The following HEMK2 variants were observed in gnomAD, a reference collection of about 807,000 sequenced individuals.
The protein encoded by HEMK2 is methyltransferase HEMK2.
the HEMK2 span, among the ~76,000 whole-genome samples, chr21:28,730,215 C>CAAA: frequency 6.7e-6 from 1 of 150,286 alleles, no homozygotes; most frequent in African/African-American, 2.4e-5. Flanking sequence ...CCCATTGCCA[C>CAAA]AAAAAAAAAG....
chr21:28,733,040 G>A, the HEMK2 span, among the ~76,000 whole-genome samples: 7 of 152,162 alleles, frequency 4.6e-5, no homozygotes, highest in African/African-American at 1.7e-4. Context: ...AGCACTTTGG[G>A]AGGCTGAGGC....
At chr21:28,858,951 T>C in the HEMK2 span, among the ~76,000 whole-genome samples, 2 of 152,228 alleles carry the variant, frequency 1.3e-5, no homozygotes, top group Non-Finnish European at 2.9e-5. Context: ...GACAGGTCAA[T>C]TATCTTATTT....
At chr21:28,656,121 T>C in the HEMK2 span, among the ~76,000 whole-genome samples, 1 of 151,978 alleles carries the variant, frequency 6.6e-6, no homozygotes, top group Non-Finnish European at 1.5e-5. Flanking sequence ...GCTACACAAA[T>C]AGAGGATGCA....
chr21:28,809,474 T>G, the HEMK2 span, among the ~76,000 whole-genome samples: 12,967 of 152,178 alleles, frequency 0.085, 1,295 homozygotes, highest in African/African-American at 0.23. Flanking sequence ...GGAGATAATA[T>G]GTATAAATAC....
the HEMK2 span, among the ~76,000 whole-genome samples, chr21:28,611,853 A>T: frequency 4.7e-5 from 7 of 149,172 alleles, no homozygotes; most frequent in African/African-American, 1.7e-4. Context: ...CAGAGGTTGC[A>T]GTGAGTGAAG....
the HEMK2 span, among the ~76,000 whole-genome samples, chr21:28,599,541 C>T: frequency 6.6e-6 from 1 of 152,182 alleles, no homozygotes; most frequent in Admixed American, 6.5e-5. Context: ...GGAGCTACAA[C>T]TCAAAATGAC....
the HEMK2 span, among the ~76,000 whole-genome samples, chr21:28,682,803 C>CA: frequency 1.3e-5 from 2 of 151,874 alleles, no homozygotes; most frequent in Non-Finnish European, 2.9e-5. Context: ...ATCGCAAGGA[C>CA]AAAAAACCAA....
At chr21:28,852,048 C>T in the HEMK2 span, among the ~76,000 whole-genome samples, 1 of 152,194 alleles carries the variant, frequency 6.6e-6, no homozygotes, top group African/African-American at 2.4e-5. Flanking sequence ...TGTCCAAGAT[C>T]CATCTGTCTT....
chr21:28,645,429 A>G, the HEMK2 span, among the ~76,000 whole-genome samples: 4 of 152,248 alleles, frequency 2.6e-5, no homozygotes, highest in Non-Finnish European at 4.4e-5. Flanking sequence ...GAATAATTCA[A>G]AAGTTTCAGA....
chr21:28,696,648 C>G, the HEMK2 span, among the ~76,000 whole-genome samples: 1 of 152,184 alleles, frequency 6.6e-6, no homozygotes, highest in Admixed American at 6.5e-5. Context: ...TAAGCAGTGT[C>G]CCAGTAAGAA....
At chr21:28,755,080 T>C in the HEMK2 span, among the ~76,000 whole-genome samples, 1 of 151,828 alleles carries the variant, frequency 6.6e-6, no homozygotes, top group Non-Finnish European at 1.5e-5. Context: ...GCAGCATGGG[T>C]GTGTGCAGAG....
the HEMK2 span, among the ~76,000 whole-genome samples, chr21:28,636,387 T>G: frequency 6.6e-6 from 1 of 152,284 alleles, no homozygotes; most frequent in East Asian, 1.9e-4. Context: ...TTTATTGTTG[T>G]CTGAGCTGAA....
chr21:28,788,031 G>C, the HEMK2 span, among the ~76,000 whole-genome samples: 1 of 151,558 alleles, frequency 6.6e-6, no homozygotes, highest in East Asian at 1.9e-4. Context: ...TTTCAAACTA[G>C]ACTATAAGGC....
the HEMK2 span, among the ~76,000 whole-genome samples, chr21:28,852,941 G>C: frequency 6.6e-6 from 1 of 152,154 alleles, no homozygotes; most frequent in Non-Finnish European, 1.5e-5. Flanking sequence ...GCCTTTGATG[G>C]TTGAGTGCTG....
chr21:28,655,283 A>C, the HEMK2 span, among the ~76,000 whole-genome samples: 1 of 152,158 alleles, frequency 6.6e-6, no homozygotes, highest in East Asian at 1.9e-4. Flanking sequence ...TGTTTTGAAC[A>C]AACTAGTATA....
the HEMK2 span, among the ~76,000 whole-genome samples, chr21:28,831,495 G>GA: frequency 1.5e-4 from 11 of 73,250 alleles, no homozygotes; most frequent in African/African-American, 2.4e-4. Context: ...AAGAAAGAAA[G>GA]AAAGAAAGAA....
the HEMK2 span, among the ~76,000 whole-genome samples, chr21:28,707,221 C>CAAATCACA: frequency 6.6e-6 from 1 of 150,884 alleles, no homozygotes; most frequent in East Asian, 1.9e-4. Flanking sequence ...CTATATTTTC[C>CAAATCACA]AAATCACAAA....
At chr21:28,876,719 T>C in the HEMK2 span, among the ~76,000 whole-genome samples, 2 of 152,174 alleles carry the variant, frequency 1.3e-5, no homozygotes, top group Admixed American at 6.5e-5. Flanking sequence ...ATGGCTTGCT[T>C]TGCAGTCACA....
the HEMK2 span, among the ~76,000 whole-genome samples, chr21:28,653,235 T>C: frequency 6.7e-6 from 1 of 149,212 alleles, no homozygotes; most frequent in Non-Finnish European, 1.5e-5. Flanking sequence ...ATCCCAATTC[T>C]GGGACTTGCC....
Sources: allele counts gnomAD v4.1 joint callset (sites outside exome capture counted in the v4.1 genomes callset), GRCh38; gene constraint gnomAD v4.1.1; transcripts MANE v1.5; gene names NCBI Gene and HGNC (gene_info 2026-07-23, HGNC 2026-07-21).